FHIT: variants seen among roughly 807,000 people sequenced by gnomAD.
The protein encoded by FHIT is fragile histidine triad diadenosine triphosphatase.
In FHIT, 19 loss-of-function variants were observed where a neutral mutation model predicts 17.9. That is an observed-to-expected ratio of 1.06 (90% confidence interval 0.74 to 1.56). The LOEUF (loss-of-function observed/expected upper bound fraction) is 1.56, where lower values mean the gene tolerates loss of function less well. FHIT is among the 40% of genes most tolerant of loss of function. The pLI is 0.00. For missense variants in FHIT, 248 were observed against 189.2 expected (o/e 1.31, Z -1.82); for synonymous variants, 81 against 69.7 (o/e 1.16, Z -0.81).
intron 3 of FHIT, among the ~76,000 whole-genome samples, chr3:61,022,559 C>T (rs889476185): frequency 1.3e-5 from 2 of 152,176 alleles, no homozygotes; most frequent in Non-Finnish European, 2.9e-5. Context: ...AATTTCAGGC[C>T]AATATCCCTG....
intron 1 of FHIT, among the ~76,000 whole-genome samples, chr3:61,208,644 T>C (rs1259685460): frequency 1.3e-5 from 2 of 151,110 alleles, no homozygotes; most frequent in Non-Finnish European, 3.0e-5. Flanking sequence ...AAACCCTGCC[T>C]TTTTTTTTGT....
rs944718507 is a variant in FHIT, at chr3:60,362,005, C to T, written c.103+174855G>A. ...TGTGCAGCATCACATCGTCACTCAA[C>T]CAAACTGTGCACACATCTTCTGCCA... On this transcript the variant is annotated intron_variant, in intron 5 of 9. Coordinates refer to ENST00000492590, the MANE Select transcript of FHIT (RefSeq NM_002012.4). 2.6e-5 allele frequency among the ~76,000 whole-genome samples: 4 copies of T among 152,144 alleles called. No homozygotes were observed. The East Asian group carries it at 7.7e-4, about 29-fold the overall frequency.
intron 3 of FHIT, among the ~76,000 whole-genome samples, chr3:61,012,181 CTCTGAG>C (rs2031828455): frequency 1.3e-5 from 2 of 152,068 alleles, no homozygotes; most frequent in Non-Finnish European, 2.9e-5. Context: ...GTTTTCCCAC[CTCTGAG>C]TCTATCAGAT....
rs570280687 is a variant in FHIT at position 61,212,226 on chromosome 3, C to T, written c.-212-11561G>A. On this transcript the variant is annotated intron_variant, in intron 1 of 9. Transcript: ENST00000492590. ...TCCGAGCTAAAGGAGGAAATTCAAA[C>T]CAAAGACAAAGAAGTTAAAAACTTT... is the stretch of plus-strand genomic sequence containing the variant. Among the ~76,000 whole-genome samples, 368 of 152,252 alleles carry T rather than the reference C, an allele frequency of 2.4e-3. 3 individuals are homozygous for T. Among genetic ancestry groups the T allele is most frequent in the African/African-American group, 8.4e-3 (349 of 41,530 alleles).
chr3:61,127,119 A>G (rs1365385819), intron 2 of FHIT, among the ~76,000 whole-genome samples: 1 of 152,168 alleles, frequency 6.6e-6, no homozygotes, highest in Non-Finnish European at 1.5e-5. Flanking sequence ...TCTCTCCCCA[A>G]CTTACGCTGT....
intron 5 of FHIT, among the ~76,000 whole-genome samples, chr3:60,360,152 C>T (rs1431222803): frequency 6.6e-6 from 1 of 151,938 alleles, no homozygotes; most frequent in East Asian, 1.9e-4. Flanking sequence ...ACTCCATAAT[C>T]TTAATATTTA....
intron 8 of FHIT, among the ~76,000 whole-genome samples, chr3:59,786,959 G>A (rs1035872030): frequency 6.6e-6 from 1 of 152,132 alleles, no homozygotes; most frequent in Admixed American, 6.5e-5. Flanking sequence ...TAGAAACAAA[G>A]GCTGCATAAC....
intron 7 of FHIT, among the ~76,000 whole-genome samples, chr3:60,009,880 G>A (rs1009673514): frequency 7.2e-5 from 11 of 152,006 alleles, no homozygotes; most frequent in South Asian, 2.1e-4. Flanking sequence ...TTTCTATCCC[G>A]CTTTAGAATG....
Position 60,672,499 on chromosome 3 carries a change from C to A in FHIT, c.-17-135520G>T, listed in dbSNP as rs368628895. ...GTCATCACTTAAGGCAAGGACCAGC[C>A]ATTTACACTTCTTTTGTGATGGAAT... On this transcript the variant is annotated intron_variant, in intron 4 of 9. Transcript: ENST00000492590. Among the ~76,000 whole-genome samples, 66 of 152,238 alleles carry A rather than the reference C, an allele frequency of 4.3e-4. 1 individual carries two copies. Among genetic ancestry groups the A allele is most frequent in the African/African-American group, 1.5e-3 (63 of 41,538 alleles).
intron 5 of FHIT, among the ~76,000 whole-genome samples, chr3:60,112,465 A>C (rs769558470): frequency 1.4e-4 from 22 of 152,110 alleles, no homozygotes; most frequent in Admixed American, 7.9e-4. Context: ...CCATTTCGTA[A>C]AACTCAGAAA....
intron 7 of FHIT, among the ~76,000 whole-genome samples, chr3:60,009,266 C>T (rs979942024): frequency 2.0e-4 from 28 of 141,710 alleles, no homozygotes; most frequent in African/African-American, 6.0e-4. Flanking sequence ...ATTCTACAAA[C>T]GAGTCAAGAT....
rs575200124 is a variant in FHIT at position 61,251,081 on chromosome 3, G to A, written c.-213+220C>T. On this transcript the variant is annotated intron_variant, in intron 1 of 9. Transcript: ENST00000492590. Reference sequence around the variant, plus strand: ...TCCCCAATGTATAAACACGGTGGAGGAGGAACGGGTTAGGGCTAGGGTCGG... The same window carrying A: ...TCCCCAATGTATAAACACGGTGGAGAAGGAACGGGTTAGGGCTAGGGTCGG... Among the ~76,000 whole-genome samples the A allele has an allele frequency of 2.0e-5, 3 of 152,324 alleles. No individual in the cohort carries two copies. The South Asian group carries it at 6.2e-4, about 32-fold the overall frequency.
At chr3:59,892,809 C>T (rs1404585433) in intron 8 of FHIT, among the ~76,000 whole-genome samples, 1 of 152,150 alleles carries the variant, frequency 6.6e-6, no homozygotes, top group Non-Finnish European at 1.5e-5. Context: ...ATGAACCACC[C>T]ACCCATCAAT....
intron 5 of FHIT, among the ~76,000 whole-genome samples, chr3:60,406,960 C>T (rs1435151224): frequency 2.0e-5 from 3 of 151,870 alleles, no homozygotes; most frequent in African/African-American, 7.3e-5. Flanking sequence ...TGTTCAGTAG[C>T]ACTTGCTATG....
At chr3:61,020,581 G>C (rs568407754) in intron 3 of FHIT, among the ~76,000 whole-genome samples, 28 of 152,184 alleles carry the variant, frequency 1.8e-4, no homozygotes, top group African/African-American at 6.5e-4. Context: ...AAATTATAAA[G>C]ACCATCAACA....
At chr3:60,288,211 G>T (rs1042244428) in intron 5 of FHIT, among the ~76,000 whole-genome samples, 1 of 152,126 alleles carries the variant, frequency 6.6e-6, no homozygotes, top group Non-Finnish European at 1.5e-5. Context: ...TCACAAAATG[G>T]TGACTAGCTT....
At chr3:61,004,030 G>A (rs952746632) in intron 3 of FHIT, among the ~76,000 whole-genome samples, 1 of 152,132 alleles carries the variant, frequency 6.6e-6, no homozygotes, top group Non-Finnish European at 1.5e-5. Context: ...TGTACTGAGT[G>A]TCTACTAAGC....
intron 4 of FHIT, among the ~76,000 whole-genome samples, chr3:60,547,871 C>T (rs943873572): frequency 5.9e-5 from 9 of 152,162 alleles, no homozygotes; most frequent in African/African-American, 1.9e-4. Context: ...AAAGCAAATG[C>T]AGGCCCCAAA....
intron 8 of FHIT, among the ~76,000 whole-genome samples, chr3:59,840,569 G>C (rs1314309479): frequency 6.6e-6 from 1 of 152,104 alleles, no homozygotes; most frequent in Non-Finnish European, 1.5e-5. Flanking sequence ...CAATTCATAA[G>C]CAAGCACGCA....
Sources: gnomAD v4.1 joint callset for allele counts (sites outside exome capture counted in the v4.1 genomes callset) on GRCh38, gnomAD v4.1.1 for gene constraint, MANE v1.5 for transcripts, NCBI Gene and HGNC (gene_info 2026-07-23, HGNC 2026-07-21) for gene names.